Variants in CRELD2 observed in about 807,000 individuals in gnomAD.
CRELD2 encodes protein disulfide isomerase CRELD2.
In CRELD2, 33 loss-of-function variants were observed where a neutral mutation model predicts 48.1. The ratio of observed to expected loss-of-function variants is 0.69; its 90% CI spans 0.52 to 0.92. CRELD2 has a LOEUF of 0.92. Among genes scored for constraint, CRELD2 ranks in the 40% least tolerant of loss-of-function variants. The pLI is 0.00. For synonymous variants in CRELD2, 220 were observed against 203.9 expected (o/e 1.08, Z -0.67); for missense variants, 477 against 482.4 (o/e 0.99, Z 0.10).
intron 9 of CRELD2, chr22:49,925,767 G>A (rs2060756331): frequency 3.6e-6 from 5 of 1,392,076 alleles, no homozygotes; most frequent in Non-Finnish European, 4.6e-6. Flanking sequence ...CAGGTTCACA[G>A]CTCAAACGGA....
At chr22:49,918,995 C>T in intron 1 of CRELD2, 97 bp downstream of exon 1, 1 of 1,114,782 alleles carries the variant, frequency 9.0e-7, no homozygotes. Flanking sequence ...GTCGCCCTCA[C>T]CCTGGATCCG....
chr22:49,923,545 C>G (rs980647983), intron 7 of CRELD2: 1 of 638,578 alleles, frequency 1.6e-6, no homozygotes, highest in Non-Finnish European at 2.9e-6. Context: ...AGAGCGCACC[C>G]TGCTGGTGCC....
intron 5 of CRELD2, 170 bp from the exon 6 acceptor site, chr22:49,922,442 A>T: frequency 6.3e-7 from 1 of 1,582,808 alleles, no homozygotes. Context: ...CCTTCTCTCC[A>T]GGTTATTAAA....
chr22:49,924,625 A>T (rs1403795670), intron 8 of CRELD2, 170 bp downstream of exon 8: 2 of 501,074 alleles, frequency 4.0e-6, no homozygotes, highest in African/African-American at 3.9e-5. Context: ...GAGACACAGA[A>T]GCAGTGGGGG....
At chr22:49,920,747 G>C (rs767270165) in intron 4 of CRELD2, among the ~76,000 whole-genome samples, 3 of 152,208 alleles carry the variant, frequency 2.0e-5, no homozygotes, top group African/African-American at 7.2e-5. Context: ...CTGAAGTCAC[G>C]GTTTACTGTT....
intron 6 of CRELD2, among the ~76,000 whole-genome samples, 197 bp downstream of exon 6, chr22:49,922,904 GC>G (rs2060714568): frequency 1.5e-5 from 1 of 67,796 alleles, no homozygotes; most frequent in Non-Finnish European, 2.6e-5. Context: ...ATGAGGTGGG[GC>G]GTGAGGTGTG....
Position 49,918,899 on chromosome 22 carries a change from G to T in CRELD2, c.129+1G>T. On this transcript the variant is annotated splice_donor_variant, in intron 1 of 9. Coordinates refer to ENST00000328268, the MANE Select transcript of CRELD2 (RefSeq NM_024324.5). LOFTEE classifies it high-confidence loss of function. ...GGGGCTGGTGGACAAGTTTAACCAG[G>T]TGGGAAGGGGCCGGGCGGGGTCGTC... 1 of 1,323,490 alleles carries T rather than the reference G, an allele frequency of 7.6e-7. No individual in the cohort carries two copies. The highest frequency in any genetic ancestry group is 9.6e-7 in the Non-Finnish European group (1 of 1,038,758). The allele number at this position is 1,323,490 out of a possible 1,614,324, so 82.0% of individuals were successfully genotyped here.
At chr22:49,919,338 G>T in intron 2 of CRELD2, 26 bp downstream of exon 2, 1 of 1,605,530 alleles carries the variant, frequency 6.2e-7, no homozygotes, top group Non-Finnish European at 8.5e-7. Context: ...CACCCCTGTG[G>T]GTCTTGGCCT....
chr22:49,927,110 C>T (rs1281998921), intron 9 of CRELD2, 145 bp from the exon 10 acceptor site: 14 of 736,672 alleles, frequency 1.9e-5, no homozygotes, highest in Admixed American at 1.8e-4. Flanking sequence ...CGGGGGTCTC[C>T]GAGCTGCCCT....
At chr22:49,925,758 A>C (rs2060756264) in intron 9 of CRELD2, 2 of 1,400,214 alleles carry the variant, frequency 1.4e-6, no homozygotes, top group Non-Finnish European at 1.9e-6. Context: ...ATGAAGCCCC[A>C]GGTTCACAGC....
At chr22:49,919,432 C>CCCGT in intron 2 of CRELD2, 120 bp downstream of exon 2, 1 of 914,784 alleles carries the variant, frequency 1.1e-6, no homozygotes, top group Non-Finnish European at 1.7e-6. Context: ...GCACCAGTCA[C>CCCGT]CCGTCCGAGT....
chr22:49,920,373 G>C, intron 4 of CRELD2, 126 bp downstream of exon 4: 1 of 643,840 alleles, frequency 1.6e-6, no homozygotes, highest in South Asian at 1.9e-5. Flanking sequence ...CTGGGACCCT[G>C]CCGGATGGCT....
chr22:49,923,356 G>GGGGCCTGCCA (rs777252944), intron 7 of CRELD2, 39 bp downstream of exon 7: 2 of 1,398,798 alleles, frequency 1.4e-6, no homozygotes, highest in African/African-American at 2.0e-5. Context: ...GGGGCCTGCC[G>GGGGCCTGCCA]GGTTTCGTTG....
chr22:49,922,734 G>C, intron 6 of CRELD2, 27 bp downstream of exon 6: 1 of 1,472,580 alleles, frequency 6.8e-7, no homozygotes, highest in Middle Eastern at 1.8e-4. Flanking sequence ...GGGTGGAGGA[G>C]GGCGCCTGCG....
intron 6 of CRELD2, 56 bp from the exon 7 acceptor site, chr22:49,923,178 C>A (rs1322325308): frequency 1.6e-5 from 23 of 1,409,672 alleles, no homozygotes; most frequent in Non-Finnish European, 2.2e-5. Context: ...TCGGTCCTTC[C>A]CCGCTCCCTG....
Position 49,919,266 on chromosome 22 carries a change from G to A in CRELD2, c.166G>A (p.Gly56Arg), listed in dbSNP as rs750990035. 13 of 1,613,602 alleles carry A rather than the reference G, an allele frequency of 8.1e-6. No homozygotes were observed. The highest frequency in any genetic ancestry group is 1.1e-5 in the Non-Finnish European group (13 of 1,180,014). ...CACCGCAAAGAAGAACTTTGGCGGC[G>A]GGAACACGGCTTGGGAGGAAAAGAC... ...VDTAKKNFGG[G>R]NTAWEEKTLS... is the part of the protein sequence containing the mutation. Residue 56 changes from glycine (G) to arginine (R), a missense_variant, in exon 2 of 10, where the codon GGG (glycine) becomes AGG (arginine). By Grantham distance (125) the Gly-to-Arg change is moderately radical. Coordinates refer to ENST00000328268, the MANE Select transcript of CRELD2 (RefSeq NM_024324.5).
intron 5 of CRELD2, chr22:49,922,351 G>GGCGTGGCGTGGGCCACGCATGGAT: frequency 6.2e-7 from 1 of 1,611,148 alleles, no homozygotes; most frequent in Non-Finnish European, 8.5e-7. Flanking sequence ...CTTGGATGTT[G>GGCGTGGCGTGGGCCACGCATGGAT]GCGTGGCGTG....
Position 49,918,878 on chromosome 22 carries a change from C to A in CRELD2, c.109C>A (p.Leu37Met). The A allele has an allele frequency of 7.7e-7, 1 of 1,298,810 alleles. No homozygotes were observed. Among genetic ancestry groups the A allele is most frequent in the Non-Finnish European group, 9.8e-7 (1 of 1,025,162 alleles). The allele number at this position is 1,298,810 out of a possible 1,614,324, so 80.5% of individuals were successfully genotyped here. The change falls in exon 1 of 10, where the codon CTG becomes ATG. Residue 37 changes from leucine (L) to methionine (M), a missense_variant. Physicochemically the swap from Leu to Met is conservative, Grantham distance 15. Coordinates refer to ENST00000328268, the MANE Select transcript of CRELD2 (RefSeq NM_024324.5). ...KPTPCHRCRG[L>M]VDKFNQGMVD... is the part of the protein sequence containing the mutation. ...GACGCCCTGCCACCGGTGCCGGGGG[C>A]TGGTGGACAAGTTTAACCAGGTGGG...
intron 9 of CRELD2, chr22:49,925,850 G>T: frequency 1.2e-6 from 1 of 856,712 alleles, no homozygotes; most frequent in Non-Finnish European, 1.6e-6. Flanking sequence ...GCAGACGCAG[G>T]AGAAGAGGCA....
Sources: allele counts gnomAD v4.1 joint callset (sites outside exome capture counted in the v4.1 genomes callset), GRCh38; gene constraint gnomAD v4.1.1; transcripts MANE v1.5; gene names NCBI Gene and HGNC (gene_info 2026-07-23, HGNC 2026-07-21).